The following DLG2 variants were observed in gnomAD, a reference collection of about 807,000 sequenced individuals.
DLG2 encodes the protein discs large MAGUK scaffold protein 2, also known as disks large homolog 2.
DLG2 carries 45 observed loss-of-function variants against 132.5 expected under a neutral mutation model. That is an observed-to-expected ratio of 0.34 (90% CI 0.27 to 0.44). DLG2 has a LOEUF of 0.44. Among genes scored for constraint, DLG2 ranks in the 20% least tolerant of loss-of-function variants. DLG2 has a pLI of 1.00. For synonymous variants in DLG2, 424 were observed against 419.6 expected (o/e 1.01, Z -0.13); for missense variants, 1,045 against 1,196.9 (o/e 0.87, Z 1.87).
At chr11:83,819,501 G>A (rs200458859) in intron 17 of DLG2, among the ~76,000 whole-genome samples, 1,360 of 85,302 alleles carry the variant, frequency 0.016, 14 homozygotes, top group Middle Eastern at 0.031. Context: ...AAGAAGAAAA[G>A]AAAAAGAAAA....
intron 3 of DLG2, among the ~76,000 whole-genome samples, chr11:85,543,768 G>A (rs939652688): frequency 3.3e-5 from 5 of 152,056 alleles, no homozygotes; most frequent in African/African-American, 4.8e-5. Context: ...TATGTTTGTC[G>A]TCTGCATAAA....
intron 17 of DLG2, among the ~76,000 whole-genome samples, chr11:83,791,769 C>T (rs973683677): frequency 2.0e-5 from 3 of 152,226 alleles, no homozygotes; most frequent in Middle Eastern, 3.4e-3. Flanking sequence ...AGCCCGTCTC[C>T]GAAGGTGGCC....
chr11:84,066,617 C>A (rs754366593), intron 10 of DLG2, among the ~76,000 whole-genome samples: 5 of 152,040 alleles, frequency 3.3e-5, no homozygotes, highest in Admixed American at 6.6e-5. Flanking sequence ...AAAAATTAGC[C>A]ACGCATGGTG....
intron 3 of DLG2, among the ~76,000 whole-genome samples, chr11:85,304,203 C>G (rs11825901): frequency 0.1 from 15,525 of 152,104 alleles, 899 homozygotes; most frequent in African/African-American, 0.15. Flanking sequence ...GCAAACCAGA[C>G]AGCAGAGGTA....
At chr11:84,364,706 A>C (rs968462012) in intron 7 of DLG2, among the ~76,000 whole-genome samples, 1 of 152,104 alleles carries the variant, frequency 6.6e-6, no homozygotes, top group East Asian at 1.9e-4. Flanking sequence ...ATTTATTGAG[A>C]GTTTTTAGCA....
intron 6 of DLG2, among the ~76,000 whole-genome samples, chr11:84,880,398 G>C (rs1396546786): frequency 2.0e-5 from 3 of 152,074 alleles, no homozygotes; most frequent in African/African-American, 7.2e-5. Flanking sequence ...CCCTTCCTAT[G>C]TCAGTCACCA....
intron 18 of DLG2, 34 bp from the exon 19 acceptor site, chr11:83,633,359 CTG>C (rs952760807): frequency 6.3e-7 from 1 of 1,581,728 alleles, no homozygotes; most frequent in African/African-American, 1.3e-5. Flanking sequence ...AAATTTTGCT[CTG>C]TGCCCTCAAG....
intron 4 of DLG2, among the ~76,000 whole-genome samples, chr11:85,246,089 T>A (rs1295668013): frequency 6.6e-6 from 1 of 152,034 alleles, no homozygotes; most frequent in Non-Finnish European, 1.5e-5. Context: ...ATTATTACTT[T>A]TATTGTCTAT....
chr11:84,179,448 A>G (rs1284006934), intron 8 of DLG2, among the ~76,000 whole-genome samples: 1 of 152,172 alleles, frequency 6.6e-6, no homozygotes, highest in Non-Finnish European at 1.5e-5. Context: ...CTCTTTGGGA[A>G]CCAGTGCCAG....
chr11:84,960,435 T>G (rs1388759349), intron 6 of DLG2, among the ~76,000 whole-genome samples: 2 of 150,928 alleles, frequency 1.3e-5, no homozygotes, highest in African/African-American at 4.9e-5. Context: ...GTAAATTCTT[T>G]TAACTTTTTT....
chr11:85,508,979 CTTTAA>C, intron 3 of DLG2, among the ~76,000 whole-genome samples: 1 of 152,134 alleles, frequency 6.6e-6, no homozygotes, highest in Middle Eastern at 3.4e-3. Flanking sequence ...TTATTTCAGT[CTTTAA>C]TTTATACATG....
chr11:84,558,719 A>G (rs957009398), intron 6 of DLG2, among the ~76,000 whole-genome samples: 1 of 152,140 alleles, frequency 6.6e-6, no homozygotes, highest in Non-Finnish European at 1.5e-5. Context: ...TCCAGCTCTC[A>G]GGGCATAGTC....
At chr11:85,100,630 T>C (rs376523121) in intron 6 of DLG2, among the ~76,000 whole-genome samples, 4 of 152,130 alleles carry the variant, frequency 2.6e-5, no homozygotes, top group Non-Finnish European at 4.4e-5. Flanking sequence ...CCAGTAACAG[T>C]ACACCACCCA....
chr11:83,527,228 A>G (rs1157856389), intron 21 of DLG2, among the ~76,000 whole-genome samples: 2 of 152,188 alleles, frequency 1.3e-5, no homozygotes, highest in Non-Finnish European at 2.9e-5. Context: ...AGCTAAACCC[A>G]GTTCAATTTA....
chr11:85,090,546 A>G (rs2068600720), intron 6 of DLG2, among the ~76,000 whole-genome samples: 1 of 152,222 alleles, frequency 6.6e-6, no homozygotes, highest in African/African-American at 2.4e-5. Flanking sequence ...CATGACAAAT[A>G]CTTTTTGGAT....
At chr11:84,590,176 G>A (rs2099539424) in intron 6 of DLG2, among the ~76,000 whole-genome samples, 1 of 152,116 alleles carries the variant, frequency 6.6e-6, no homozygotes, top group Non-Finnish European at 1.5e-5. Flanking sequence ...ATCACTGTAG[G>A]GCAAATAGTA....
chr11:84,498,725 G>C (rs2099193045), intron 7 of DLG2, among the ~76,000 whole-genome samples: 3 of 152,126 alleles, frequency 2.0e-5, no homozygotes, highest in African/African-American at 7.2e-5. Context: ...CATTCTTAGA[G>C]CATTACAGAG....
At chr11:84,383,586 A>G (rs1350644495) in intron 7 of DLG2, among the ~76,000 whole-genome samples, 1 of 152,122 alleles carries the variant, frequency 6.6e-6, no homozygotes, top group African/African-American at 2.4e-5. Flanking sequence ...CATGTTGTGA[A>G]CTGCCTATGG....
At chr11:83,533,503 G>C (rs1388418140) in intron 20 of DLG2, among the ~76,000 whole-genome samples, 2 of 152,222 alleles carry the variant, frequency 1.3e-5, no homozygotes, top group East Asian at 3.8e-4. Flanking sequence ...ATCAATGTGG[G>C]AGCACCTATC....
Sources: gnomAD v4.1 joint callset for allele counts (sites outside exome capture counted in the v4.1 genomes callset) on GRCh38, gnomAD v4.1.1 for gene constraint, MANE v1.5 for transcripts, NCBI Gene and HGNC (gene_info 2026-07-23, HGNC 2026-07-21) for gene names.